ATRNL1: variants seen among roughly 807,000 people sequenced by gnomAD.
ATRNL1 encodes the protein attractin like 1.
A neutral mutation model predicts 182.7 loss-of-function variants in ATRNL1; 95 were observed. The observed-to-expected ratio is 0.52, with a 90% CI of 0.44 to 0.62. The LOEUF is 0.62. Among genes scored for constraint, ATRNL1 ranks in the 20% least tolerant of loss-of-function variants. The pLI is 0.00. For synonymous variants in ATRNL1, 576 were observed against 568.3 expected, an observed-to-expected ratio of 1.01 and a Z score of -0.19; for missense variants, 1,471 against 1,679.5, an observed-to-expected ratio of 0.88 and a Z score of 2.17.
At chr10:115,647,129 C>T (rs1859680295) in intron 26 of ATRNL1, among the ~76,000 whole-genome samples, 1 of 152,034 alleles carries the variant, frequency 6.6e-6, no homozygotes, top group African/African-American at 2.4e-5. Flanking sequence ...AGGACATGAA[C>T]TCATCCTTTT....
At chr10:115,249,822 T>G (rs1850799361) in intron 10 of ATRNL1, among the ~76,000 whole-genome samples, 1 of 152,196 alleles carries the variant, frequency 6.6e-6, no homozygotes, top group Admixed American at 6.5e-5. Context: ...TTGAACTGTT[T>G]ATGAAGTGAT....
intron 28 of ATRNL1, among the ~76,000 whole-genome samples, chr10:115,858,413 A>C (rs1951235491): frequency 6.6e-6 from 1 of 152,172 alleles, no homozygotes; most frequent in Non-Finnish European, 1.5e-5. Context: ...GCTGAAAGCC[A>C]TTATCCTGAG....
chr10:115,589,347 A>C (rs1367348774), intron 26 of ATRNL1, among the ~76,000 whole-genome samples: 2 of 152,188 alleles, frequency 1.3e-5, no homozygotes, highest in Non-Finnish European at 2.9e-5. Context: ...GGTCAAAAAG[A>C]GGGCTTCCTA....
At chr10:115,823,884 A>G (rs1304671441) in intron 27 of ATRNL1, among the ~76,000 whole-genome samples, 3 of 152,232 alleles carry the variant, frequency 2.0e-5, no homozygotes, top group African/African-American at 7.2e-5. Context: ...TGCCATCCCC[A>G]TCAAGTTGCC....
intron 28 of ATRNL1, among the ~76,000 whole-genome samples, chr10:115,932,844 T>C (rs1179761562): frequency 3.9e-5 from 6 of 152,114 alleles, no homozygotes; most frequent in Non-Finnish European, 8.8e-5. Context: ...TGCTATGTAA[T>C]ATTATAAGCC....
intron 20 of ATRNL1, among the ~76,000 whole-genome samples, chr10:115,423,832 G>A (rs150215946): frequency 1.2e-4 from 19 of 152,260 alleles, no homozygotes; most frequent in African/African-American, 3.4e-4. Context: ...AGAGAACACG[G>A]AGGTAACACT....
intron 26 of ATRNL1, among the ~76,000 whole-genome samples, chr10:115,562,755 G>A (rs1005896887): frequency 6.6e-6 from 1 of 152,134 alleles, no homozygotes; most frequent in Non-Finnish European, 1.5e-5. Flanking sequence ...TGCCATGATT[G>A]TAAGTTTGCT....
intron 27 of ATRNL1, among the ~76,000 whole-genome samples, chr10:115,821,598 C>T (rs1234126608): frequency 6.6e-6 from 1 of 151,926 alleles, no homozygotes; most frequent in Non-Finnish European, 1.5e-5. Flanking sequence ...GGAAGATTTA[C>T]CAAGTTGGAA....
At chr10:115,591,900 A>G (rs1223473127) in intron 26 of ATRNL1, among the ~76,000 whole-genome samples, 2 of 152,226 alleles carry the variant, frequency 1.3e-5, no homozygotes, top group African/African-American at 2.4e-5. Context: ...TATTCACAAT[A>G]GCAAAGACAT....
rs746492587 is a variant in ATRNL1 at position 115,946,100 on chromosome 10, A to T, written c.*1321A>T. On this transcript the variant is annotated 3_prime_UTR_variant, in exon 29 of 29. Transcript: ENST00000355044. The stretch of plus-strand genomic sequence containing the variant: ...ATTGCAGTTTCCTCACTTCAGGGTG[A>T]CAAGATATGTATAACAGTGACAGAA... 5 of 152,268 alleles carry T rather than the reference A, an allele frequency of 3.3e-5. No homozygotes were observed. Among genetic ancestry groups the T allele is most frequent in the Non-Finnish European group, 5.9e-5 (4 of 68,046 alleles). The allele number at this position is 152,268 out of a possible 1,614,324, so 9.4% of individuals were successfully genotyped here. A position where few individuals can be genotyped will look rare whatever the true frequency, so the allele number is the denominator to read the frequency against.
rs974029164 is a variant in ATRNL1, at chr10:115,265,128, T to C, written c.1688-65T>C. 53 of 1,074,200 alleles carry C rather than the reference T, an allele frequency of 4.9e-5. 1 individual carries two copies. The Middle Eastern group carries it at 7.4e-4, about 15-fold the overall frequency. The allele number at this position is 1,074,200 out of a possible 1,614,324, so 66.5% of individuals were successfully genotyped here. A position where few individuals can be genotyped will look rare whatever the true frequency, so the allele number is the denominator to read the frequency against. ...ATCTTTAATTCGGCCAATGATGTTT[T>C]CATATTATTTGTCTTAGTTTATTCT... is the stretch of plus-strand genomic sequence containing the variant. On this transcript the variant is annotated intron_variant, in intron 10 of 28. Transcript: ENST00000355044.
At chr10:115,722,193 T>A (rs1947448603) in intron 26 of ATRNL1, among the ~76,000 whole-genome samples, 1 of 152,150 alleles carries the variant, frequency 6.6e-6, no homozygotes, top group Admixed American at 6.5e-5. Context: ...ATTTTTTTTT[T>A]ATTTTTAAGT....
At chr10:115,097,184 G>A (rs1321350245) in intron 1 of ATRNL1, among the ~76,000 whole-genome samples, 1 of 151,996 alleles carries the variant, frequency 6.6e-6, no homozygotes, top group Non-Finnish European at 1.5e-5. Context: ...TTCATTTCAC[G>A]CATTTAAAAT....
chr10:115,389,576 A>ATG (rs1843905167), intron 19 of ATRNL1, among the ~76,000 whole-genome samples: 1 of 111,920 alleles, frequency 8.9e-6, no homozygotes, highest in Non-Finnish European at 1.9e-5. Flanking sequence ...ATATATATAT[A>ATG]TATATATATA....
At chr10:115,417,109 T>G (rs1845427400) in intron 20 of ATRNL1, among the ~76,000 whole-genome samples, 1 of 152,198 alleles carries the variant, frequency 6.6e-6, no homozygotes, top group Non-Finnish European at 1.5e-5. Context: ...GATGCATTAA[T>G]TTTGCTTCCA....
At chr10:115,705,984 C>A (rs1157678487) in intron 26 of ATRNL1, among the ~76,000 whole-genome samples, 2 of 151,906 alleles carry the variant, frequency 1.3e-5, no homozygotes, top group East Asian at 1.9e-4. Flanking sequence ...CTTATATCAT[C>A]CCAGCCTCAG....
At chr10:115,686,089 A>G (rs1555046249) in intron 26 of ATRNL1, among the ~76,000 whole-genome samples, 2 of 151,576 alleles carry the variant, frequency 1.3e-5, no homozygotes, top group Non-Finnish European at 2.9e-5. Flanking sequence ...TTTATTAATT[A>G]TTTATCCAAT....
chr10:115,672,662 T>C (rs1228121879), intron 26 of ATRNL1, among the ~76,000 whole-genome samples: 2 of 152,106 alleles, frequency 1.3e-5, no homozygotes, highest in African/African-American at 4.8e-5. Flanking sequence ...ACAGAAATTG[T>C]TTTTTATGTA....
intron 20 of ATRNL1, among the ~76,000 whole-genome samples, chr10:115,425,228 T>C (rs998886062): frequency 2.6e-5 from 4 of 151,878 alleles, no homozygotes; most frequent in Non-Finnish European, 4.4e-5. Flanking sequence ...TCTGTTCTTA[T>C]GAATGCTTCT....
Sources: allele counts gnomAD v4.1 joint callset (sites outside exome capture counted in the v4.1 genomes callset), GRCh38; gene constraint gnomAD v4.1.1; transcripts MANE v1.5; gene names NCBI Gene and HGNC (gene_info 2026-07-23, HGNC 2026-07-21).